B4GALNT3: variants seen among roughly 807,000 people sequenced by gnomAD.
B4GALNT3 encodes beta-1,4-N-acetylgalactosaminyltransferase 3.
Under a neutral mutation model 120.2 loss-of-function variants are expected in B4GALNT3, and 86 were observed. That is an observed-to-expected ratio of 0.72 (90% CI 0.60 to 0.86). B4GALNT3 has a LOEUF of 0.86. Ranked by LOEUF, B4GALNT3 falls within the 40% of genes least tolerant of loss-of-function variation. The pLI is 0.00. For synonymous variants in B4GALNT3, 518 were observed against 510.4 expected (o/e 1.01, Z -0.20); for missense variants, 1,167 against 1,298.9 (o/e 0.90, Z 1.56).
In B4GALNT3 at chr12:460,394, C is replaced by G. The variant is rs1362045165; in HGVS notation, c.18C>G (p.Ala6=). 4 of 1,479,568 alleles carry G rather than the reference C, an allele frequency of 2.7e-6. No homozygotes were observed. Among genetic ancestry groups the G allele is most frequent in the Non-Finnish European group, 3.6e-6 (4 of 1,116,712 alleles). 91.7% of individuals were successfully genotyped at this position (1,479,568 alleles called of 1,614,324 possible). MGSPR[A]ARPPLLLRPV... Reference sequence around the variant, plus strand: ...GCAGCGCCATGGGGAGCCCCCGGGCCGCGCGGCCCCCGCTGCTCCTGCGCC... The same window carrying G: ...GCAGCGCCATGGGGAGCCCCCGGGCGGCGCGGCCCCCGCTGCTCCTGCGCC... Residue 6 remains alanine (A), a synonymous_variant, in exon 1 of 20, where the codon GCC becomes GCG. Transcript: ENST00000266383. The surrounding 1 kb of genome is among the most constrained non-coding windows in gnomAD (Gnocchi z 8.0).
At chr12:486,257 T>G (rs1388608504) in intron 1 of B4GALNT3, among the ~76,000 whole-genome samples, 2 of 143,094 alleles carry the variant, frequency 1.4e-5, no homozygotes, top group Non-Finnish European at 3.0e-5. Flanking sequence ...CCACCCAGGC[T>G]AGAGTGCAGT....
At position 548,171 on chromosome 12, in the gene B4GALNT3, C is replaced by A; in HGVS notation, c.787-60C>A. The A allele has an allele frequency of 6.2e-7, 1 of 1,607,330 alleles. No individual in the cohort carries two copies. The highest frequency in any genetic ancestry group is 1.3e-5 in the African/African-American group (1 of 74,872). ...CACTCATCTCCCCTTGTCCCTTGAC[C>A]CCTGTTGGAAATCCAGCTACCTCCC... is the stretch of plus-strand genomic sequence containing the variant. On this transcript the variant is annotated intron_variant, in intron 8 of 19. Coordinates refer to ENST00000266383, the MANE Select transcript of B4GALNT3 (RefSeq NM_173593.4). The surrounding 1 kb of genome is among the most constrained non-coding windows in gnomAD (Gnocchi z 4.9).
chr12:518,923 C>T (rs1457864592), intron 1 of B4GALNT3, among the ~76,000 whole-genome samples: 1 of 152,168 alleles, frequency 6.6e-6, no homozygotes, highest in Non-Finnish European at 1.5e-5. Context: ...CAAGGACTGA[C>T]GATATACATA....
Position 549,776 on chromosome 12 carries a change from G to A in B4GALNT3, c.861G>A (p.Thr287=), listed in dbSNP as rs150530589. 3.9e-5 allele frequency: 63 copies of A among 1,613,652 alleles called. No homozygotes were observed. Among genetic ancestry groups the A allele is most frequent in the African/African-American group, 3.1e-4 (23 of 74,918 alleles). Residue 287 remains threonine, a synonymous_variant, in exon 10 of 20, where the codon ACG becomes ACA. Coordinates refer to ENST00000266383, the MANE Select transcript of B4GALNT3 (RefSeq NM_173593.4). The stretch of plus-strand genomic sequence containing the variant: ...TTTCCTCCCTGCGCCCAGATGAGAC[G>A]TTCCTACAGATGGATGAGGTGGGCC... ...SLSLSLFTNE[T]FLQMDEVGHI...
At chr12:526,486 G>A (rs963283122) in intron 1 of B4GALNT3, among the ~76,000 whole-genome samples, 4 of 152,198 alleles carry the variant, frequency 2.6e-5, no homozygotes, top group African/African-American at 4.8e-5. Flanking sequence ...CACCTCTGTG[G>A]CCCTTCGCTA....
chr12:484,246 G>A (rs888486256), intron 1 of B4GALNT3, among the ~76,000 whole-genome samples: 1 of 152,184 alleles, frequency 6.6e-6, no homozygotes, highest in African/African-American at 2.4e-5. Flanking sequence ...CCTTCCCCGA[G>A]GTGCTGGCTT....
intron 3 of B4GALNT3, among the ~76,000 whole-genome samples, chr12:542,080 C>T (rs951051932): frequency 6.6e-6 from 1 of 152,110 alleles, no homozygotes; most frequent in African/African-American, 2.4e-5. Flanking sequence ...ACCCGCCACC[C>T]ACCTACCCAG....
At chr12:486,290 A>G (rs1946290630) in intron 1 of B4GALNT3, among the ~76,000 whole-genome samples, 1 of 146,400 alleles carries the variant, frequency 6.8e-6, no homozygotes, top group Admixed American at 7.1e-5. Context: ...GCTCACTGCA[A>G]CCTCCACCCC....
At chr12:541,841 AC>A (rs371768004) in intron 3 of B4GALNT3, among the ~76,000 whole-genome samples, 15,928 of 59,332 alleles carry the variant, frequency 0.27, 1,102 homozygotes, top group East Asian at 0.51. Flanking sequence ...CCCCCCCCTC[AC>A]CCCCCCCCAC....
At chr12:478,387 C>G (rs1946205384) in intron 1 of B4GALNT3, among the ~76,000 whole-genome samples, 1 of 151,546 alleles carries the variant, frequency 6.6e-6, no homozygotes, top group Admixed American at 6.6e-5. Flanking sequence ...AGAAAATTCT[C>G]CAGTAGTAAA....
intron 1 of B4GALNT3, among the ~76,000 whole-genome samples, chr12:527,718 A>G (rs1018553119): frequency 1.3e-5 from 2 of 152,188 alleles, no homozygotes; most frequent in African/African-American, 4.8e-5. Flanking sequence ...GCAGACACAC[A>G]GCTGGGTGGC....
chr12:504,214 G>A (rs933628130), intron 1 of B4GALNT3, among the ~76,000 whole-genome samples: 12 of 150,302 alleles, frequency 8.0e-5, no homozygotes, highest in African/African-American at 2.5e-4. Flanking sequence ...CTGGGAAGTC[G>A]AGGCTGCAGT....
intron 1 of B4GALNT3, among the ~76,000 whole-genome samples, chr12:499,131 G>T (rs1237930570): frequency 6.6e-6 from 1 of 152,218 alleles, no homozygotes; most frequent in Non-Finnish European, 1.5e-5. Flanking sequence ...TTAGGGATTG[G>T]TGCTGTCCCT....
chr12:516,664 C>T (rs1480056543), intron 1 of B4GALNT3, among the ~76,000 whole-genome samples: 5 of 152,148 alleles, frequency 3.3e-5, no homozygotes, highest in African/African-American at 1.2e-4. Context: ...ATAAACGTTA[C>T]TCATTGGCCA....
Position 460,503 on chromosome 12 carries a change from C to G in B4GALNT3, c.127C>G (p.Leu43Val), listed in dbSNP as rs777775023. The G allele has an allele frequency of 3.2e-6, 5 of 1,583,574 alleles. No homozygotes were observed. In the South Asian group the frequency reaches 3.4e-5, roughly 11 times the overall value. Reference sequence around the variant, plus strand: ...GGGGCTCTGGACTCTGTATCTGGAACTGGTGGCGTCGGCCCAGGTCGGCGG... The same window carrying G: ...GGGGCTCTGGACTCTGTATCTGGAAGTGGTGGCGTCGGCCCAGGTCGGCGG... ...SVGLWTLYLE[L>V]VASAQVGGNP... The change falls in exon 1 of 20, where the codon CTG becomes GTG. Residue 43 changes from leucine to valine, a missense_variant. Transcript: ENST00000266383. This position sits in a 1 kb window ranked among gnomAD's most constrained non-coding sequence, Gnocchi z 8.0.
chr12:496,610 AAAAAT>A (rs1367431246), intron 1 of B4GALNT3, among the ~76,000 whole-genome samples: 1 of 152,118 alleles, frequency 6.6e-6, no homozygotes, highest in Non-Finnish European at 1.5e-5. Flanking sequence ...AAAAAAATAA[AAAAAT>A]AAAGTGTACA....
intron 1 of B4GALNT3, among the ~76,000 whole-genome samples, chr12:468,977 A>C (rs997196507): frequency 6.6e-6 from 1 of 152,232 alleles, no homozygotes; most frequent in Admixed American, 6.5e-5. Flanking sequence ...CAAAGACTTT[A>C]TGTATAAATG....
At chr12:511,455 T>TCCACCTTCCACCTTCTTCCACCTTCCAC (rs1555154921) in intron 1 of B4GALNT3, among the ~76,000 whole-genome samples, 1 of 41,994 alleles carries the variant, frequency 2.4e-5, no homozygotes. Flanking sequence ...CCTTCCACCT[T>TCCACCTTCCACCTTCTTCCACCTTCCAC]CTTCCACCTT....
intron 1 of B4GALNT3, among the ~76,000 whole-genome samples, chr12:462,302 G>C (rs533112168): frequency 2.6e-4 from 40 of 151,520 alleles, no homozygotes; most frequent in Middle Eastern, 3.4e-3. Flanking sequence ...GAGAAAGGCA[G>C]TTGCTTTGTG....
Sources: gnomAD v4.1 joint callset for allele counts (sites outside exome capture counted in the v4.1 genomes callset) on GRCh38, gnomAD v4.1.1 for gene constraint, Gnocchi (gnomAD v3.1) non-coding constraint, MANE v1.5 for transcripts, NCBI Gene and HGNC (gene_info 2026-07-23, HGNC 2026-07-21) for gene names.